Variants in NXPH1 observed in about 807,000 individuals in gnomAD.
NXPH1 encodes neurexophilin-1.
NXPH1 carries 5 observed loss-of-function variants against 23.7 expected under a neutral mutation model. The observed-to-expected ratio is 0.21, with a 90% CI of 0.11 to 0.44. The LOEUF is 0.44. Among genes scored for constraint, NXPH1 ranks in the 20% least tolerant of loss-of-function variants. NXPH1 has a pLI of 0.99. For synonymous variants in NXPH1, 144 were observed against 122.2 expected (o/e 1.18, Z -1.18); for missense variants, 324 against 321.6 (o/e 1.01, Z -0.06).
chr7:8,736,659 G>T (rs903288099), intron 2 of NXPH1, among the ~76,000 whole-genome samples: 11 of 152,202 alleles, frequency 7.2e-5, no homozygotes, highest in Non-Finnish European at 1.5e-4. Flanking sequence ...TTGGTCCATA[G>T]CTGAGTTCAA....
chr7:8,492,933 AG>A lies in NXPH1; in HGVS notation c.54+57167del, dbSNP rs143852582. Reference sequence around the variant, plus strand: ...CTAAGTGAAAGAGACAGAAAGAAAAAGAAGGAAAGGCCTTTTCTTTTGACTC... The same window carrying A: ...CTAAGTGAAAGAGACAGAAAGAAAAAAAGGAAAGGCCTTTTCTTTTGACTC... On this transcript the variant is annotated intron_variant, in intron 2 of 2. Transcript: ENST00000405863. 2.1e-3 allele frequency among the ~76,000 whole-genome samples: 313 copies of A among 152,134 alleles called. 1 individual carries two copies. The highest frequency in any genetic ancestry group is 7.3e-3 in the African/African-American group (304 of 41,540).
intron 2 of NXPH1, among the ~76,000 whole-genome samples, chr7:8,648,682 T>A (rs1376175535): frequency 1.3e-5 from 2 of 152,214 alleles, no homozygotes; most frequent in African/African-American, 4.8e-5. Context: ...TTGAGAATAA[T>A]GTTTATTATT....
At chr7:8,462,240 G>A (rs913801559) in intron 2 of NXPH1, among the ~76,000 whole-genome samples, 5 of 152,114 alleles carry the variant, frequency 3.3e-5, no homozygotes, top group African/African-American at 9.7e-5. Flanking sequence ...GTAGAGATGG[G>A]GTTTCACCAT....
intron 2 of NXPH1, among the ~76,000 whole-genome samples, chr7:8,500,175 C>A (rs1368960343): frequency 6.6e-6 from 1 of 152,066 alleles, no homozygotes; most frequent in African/African-American, 2.4e-5. Flanking sequence ...GCAAAAATGA[C>A]AAGGCTTTTT....
At chr7:8,741,644 G>A (rs1583256585) in intron 2 of NXPH1, among the ~76,000 whole-genome samples, 3 of 152,168 alleles carry the variant, frequency 2.0e-5, no homozygotes, top group East Asian at 1.9e-4. Flanking sequence ...TTACAGGAAG[G>A]AATGTATTTT....
At chr7:8,708,658 G>T (rs556932868) in intron 2 of NXPH1, among the ~76,000 whole-genome samples, 9 of 152,130 alleles carry the variant, frequency 5.9e-5, no homozygotes, top group Admixed American at 2.0e-4. Flanking sequence ...CACCATGCCT[G>T]CCTAGAATAT....
rs1386421429 is a variant in NXPH1 at position 8,433,862 on chromosome 7, G to C, written c.-1004G>C. 6.6e-6 allele frequency: 1 copy of C among 152,484 alleles called. No individual in the cohort carries two copies. The highest frequency in any genetic ancestry group is 1.5e-5 in the Non-Finnish European group (1 of 68,270). The allele number at this position is 152,484 out of a possible 1,614,324, so 9.4% of individuals were successfully genotyped here. ...ACCGAAGACACCGCGGGAGCCACTT[G>C]TCCCTGTGGGCCCAGCCCGCGAGAG... On this transcript the variant is annotated 5_prime_UTR_variant, in exon 1 of 3. Coordinates refer to ENST00000405863, the MANE Select transcript of NXPH1 (RefSeq NM_152745.3). The surrounding 1 kb of genome is among the most constrained non-coding windows in gnomAD (Gnocchi z 6.8).
chr7:8,556,285 C>T (rs1458441593), intron 2 of NXPH1, among the ~76,000 whole-genome samples: 3 of 151,738 alleles, frequency 2.0e-5, no homozygotes, highest in Non-Finnish European at 4.4e-5. Context: ...CTTGACACAA[C>T]AGTCATCTGC....
chr7:8,500,470 C>G (rs1054667369), intron 2 of NXPH1, among the ~76,000 whole-genome samples: 5 of 152,038 alleles, frequency 3.3e-5, no homozygotes, highest in Non-Finnish European at 7.4e-5. Flanking sequence ...GCCAACCTCT[C>G]TGTGATTCAG....
chr7:8,637,381 C>G lies in NXPH1; in HGVS notation c.55-113627C>G, dbSNP rs147298209. Among the ~76,000 whole-genome samples, 374 of 152,172 alleles carry G rather than the reference C, an allele frequency of 2.5e-3. 2 individuals carry two copies. The Middle Eastern group carries it at 0.027, about 11-fold the overall frequency. On this transcript the variant is annotated intron_variant, in intron 2 of 2. Coordinates refer to ENST00000405863, the MANE Select transcript of NXPH1 (RefSeq NM_152745.3). ...GGGACCACAGGCTCGTGCCACCATGCCTGGCTAATTTAAAAAAGTATTTTT... is the reference window on the plus strand; with the variant it reads ...GGGACCACAGGCTCGTGCCACCATGGCTGGCTAATTTAAAAAAGTATTTTT...
chr7:8,451,590 G>A (rs1816507721), intron 2 of NXPH1, among the ~76,000 whole-genome samples: 1 of 152,198 alleles, frequency 6.6e-6, no homozygotes, highest in Non-Finnish European at 1.5e-5. Context: ...AAAAGCATTA[G>A]TCTTTTGTCT....
chr7:8,551,176 T>C (rs966872816), intron 2 of NXPH1, among the ~76,000 whole-genome samples: 1 of 151,556 alleles, frequency 6.6e-6, no homozygotes, highest in Non-Finnish European at 1.5e-5. Flanking sequence ...GTTAATTTAG[T>C]AGGTCAACTA....
intron 2 of NXPH1, among the ~76,000 whole-genome samples, chr7:8,599,711 G>T (rs935999527): frequency 6.6e-6 from 1 of 152,036 alleles, no homozygotes; most frequent in East Asian, 1.9e-4. Context: ...AGTACTGCAG[G>T]CTAGTATGAG....
chr7:8,747,646 A>C (rs1361916908), intron 2 of NXPH1, among the ~76,000 whole-genome samples: 1 of 152,220 alleles, frequency 6.6e-6, no homozygotes, highest in Non-Finnish European at 1.5e-5. Context: ...AAAGCCAGAG[A>C]AGAGGATACA....
At chr7:8,466,798 T>G (rs574528730) in intron 2 of NXPH1, among the ~76,000 whole-genome samples, 18 of 152,292 alleles carry the variant, frequency 1.2e-4, no homozygotes, top group African/African-American at 4.1e-4. Context: ...TCTTTCTGTT[T>G]CCGACCTGCC....
intron 2 of NXPH1, among the ~76,000 whole-genome samples, chr7:8,502,966 G>T (rs1017602407): frequency 6.6e-6 from 1 of 151,986 alleles, no homozygotes; most frequent in Non-Finnish European, 1.5e-5. Flanking sequence ...CCATGGTAAG[G>T]GCTGGATCCT....
chr7:8,458,521 A>G (rs1361197219), intron 2 of NXPH1, among the ~76,000 whole-genome samples: 2 of 152,202 alleles, frequency 1.3e-5, no homozygotes, highest in African/African-American at 4.8e-5. Flanking sequence ...AAAATGAACC[A>G]AAGAGTGATG....
At chr7:8,679,239 G>A (rs530844289) in intron 2 of NXPH1, among the ~76,000 whole-genome samples, 4 of 152,054 alleles carry the variant, frequency 2.6e-5, no homozygotes, top group East Asian at 3.9e-4. Context: ...GAGCCACCGC[G>A]CCCAGCCTGC....
At chr7:8,473,031 C>T (rs975477079) in intron 2 of NXPH1, among the ~76,000 whole-genome samples, 1 of 152,028 alleles carries the variant, frequency 6.6e-6, no homozygotes, top group Non-Finnish European at 1.5e-5. Flanking sequence ...TTATGTGCTG[C>T]TCTCCAATTC....
Sources: allele counts gnomAD v4.1 joint callset (sites outside exome capture counted in the v4.1 genomes callset), GRCh38; gene constraint gnomAD v4.1.1; non-coding constraint Gnocchi (gnomAD v3.1); transcripts MANE v1.5; gene names NCBI Gene and HGNC (gene_info 2026-07-23, HGNC 2026-07-21).